CACNA2D3: variants seen among roughly 807,000 people sequenced by gnomAD.
The protein encoded by CACNA2D3 is calcium voltage-gated channel auxiliary subunit alpha2delta 3.
CACNA2D3 carries 60 observed loss-of-function variants against 160.6 expected under a neutral mutation model. That is an observed-to-expected ratio of 0.37 (90% CI 0.30 to 0.46). The LOEUF (loss-of-function observed/expected upper bound fraction) is 0.46, where lower values mean the gene tolerates loss of function less well. Ranked by LOEUF, CACNA2D3 falls within the 20% of genes least tolerant of loss-of-function variation. CACNA2D3 has a pLI of 1.00. For missense variants in CACNA2D3, 1,205 were observed against 1,365.0 expected, an observed-to-expected ratio of 0.88 and a Z score of 1.85; for synonymous variants, 558 against 492.9, an observed-to-expected ratio of 1.13 and a Z score of -1.75.
intron 2 of CACNA2D3, among the ~76,000 whole-genome samples, chr3:54,138,358 G>A (rs1442086339): frequency 6.6e-6 from 1 of 152,216 alleles, no homozygotes; most frequent in Admixed American, 6.5e-5. Context: ...GAGAGAGAGC[G>A]GGGAGATTGG....
chr3:54,873,000 T>G (rs923094539), intron 18 of CACNA2D3, among the ~76,000 whole-genome samples: 6 of 152,094 alleles, frequency 3.9e-5, no homozygotes, highest in Non-Finnish European at 1.5e-5. Flanking sequence ...TTTAGACTCC[T>G]GCCAGGTTCA....
At chr3:54,565,324 T>C (rs1035136497) in intron 6 of CACNA2D3, among the ~76,000 whole-genome samples, 4 of 152,080 alleles carry the variant, frequency 2.6e-5, no homozygotes, top group Admixed American at 6.5e-5. Context: ...AGGTGCTGGG[T>C]GATCACTGAG....
intron 4 of CACNA2D3, among the ~76,000 whole-genome samples, chr3:54,405,917 A>T (rs1370905496): frequency 1.3e-5 from 2 of 152,152 alleles, no homozygotes; most frequent in African/African-American, 4.8e-5. Context: ...TCCAAATATG[A>T]CATAAAAATG....
At chr3:54,732,890 A>G (rs1701417381) in intron 11 of CACNA2D3, among the ~76,000 whole-genome samples, 1 of 152,252 alleles carries the variant, frequency 6.6e-6, no homozygotes, top group South Asian at 2.1e-4. Flanking sequence ...GAAATGTCAA[A>G]AATTAACAAA....
intron 13 of CACNA2D3, among the ~76,000 whole-genome samples, chr3:54,807,473 A>G (rs951141756): frequency 7.2e-5 from 11 of 152,226 alleles, no homozygotes; most frequent in African/African-American, 2.7e-4. Flanking sequence ...ATCACTGGCC[A>G]TCAGAGAAAT....
chr3:55,030,684 A>G (rs1480711708), intron 35 of CACNA2D3, among the ~76,000 whole-genome samples: 2 of 152,132 alleles, frequency 1.3e-5, no homozygotes, highest in Non-Finnish European at 2.9e-5. Flanking sequence ...TCAATGAAGC[A>G]TTTTACTGGG....
At chr3:54,693,952 G>GCTTAGATAT (rs1700613573) in intron 11 of CACNA2D3, among the ~76,000 whole-genome samples, 1 of 152,136 alleles carries the variant, frequency 6.6e-6, no homozygotes, top group African/African-American at 2.4e-5. Flanking sequence ...GTCACAGTTA[G>GCTTAGATAT]CTTAGATATT....
Position 54,586,899 on chromosome 3 carries a change from C to T in CACNA2D3, c.963+5022C>T, listed in dbSNP as rs144646818. Among the ~76,000 whole-genome samples, 1,168 of 151,746 alleles carry T rather than the reference C, an allele frequency of 7.7e-3. 17 individuals carry two copies. Among genetic ancestry groups the T allele is most frequent in the African/African-American group, 0.027 (1,110 of 41,360 alleles). ...AATCCCCAGACACTTAGAAATTAAA[C>T]AGTATACTATTAAAAAAATACTTGG... is the stretch of plus-strand genomic sequence containing the variant. On this transcript the variant is annotated intron_variant, in intron 9 of 37. Transcript: ENST00000474759.
At chr3:55,029,323 G>A (rs1337268702) in intron 35 of CACNA2D3, among the ~76,000 whole-genome samples, 2 of 152,088 alleles carry the variant, frequency 1.3e-5, no homozygotes, top group Non-Finnish European at 2.9e-5. Flanking sequence ...ATCTCCAAGA[G>A]GGCTATAAGC....
chr3:55,005,138 T>C (rs982321187), intron 32 of CACNA2D3, among the ~76,000 whole-genome samples: 3 of 152,022 alleles, frequency 2.0e-5, no homozygotes, highest in Non-Finnish European at 4.4e-5. Context: ...TAGCCAGGCG[T>C]GGTGGCGTGT....
chr3:54,482,684 G>A (rs138085701), intron 4 of CACNA2D3, among the ~76,000 whole-genome samples: 334 of 152,224 alleles, frequency 2.2e-3, no homozygotes, highest in Middle Eastern at 6.8e-3. Context: ...TTCACACATT[G>A]AAGTTTATTT....
chr3:54,557,799 A>G (rs1490783330), intron 5 of CACNA2D3, among the ~76,000 whole-genome samples: 1 of 152,148 alleles, frequency 6.6e-6, no homozygotes, highest in Non-Finnish European at 1.5e-5. Context: ...TCCTAAAATT[A>G]CTTTGTGGTG....
chr3:54,345,533 T>C (rs1698440130), intron 3 of CACNA2D3, among the ~76,000 whole-genome samples: 1 of 152,172 alleles, frequency 6.6e-6, no homozygotes, highest in African/African-American at 2.4e-5. Flanking sequence ...CCTGCAAGGC[T>C]TTCATCAGAG....
At chr3:54,540,999 C>T (rs913642268) in intron 5 of CACNA2D3, among the ~76,000 whole-genome samples, 3 of 151,982 alleles carry the variant, frequency 2.0e-5, no homozygotes, top group South Asian at 2.1e-4. Flanking sequence ...AAAGGGAGGC[C>T]GAGCGTGGTG....
intron 2 of CACNA2D3, among the ~76,000 whole-genome samples, chr3:54,314,793 A>C (rs1246096035): frequency 6.6e-6 from 1 of 152,222 alleles, no homozygotes; most frequent in Non-Finnish European, 1.5e-5. Context: ...CTGGCATACC[A>C]GAGACACCAA....
chr3:54,638,199 A>G (rs1699422385), intron 10 of CACNA2D3: 1 of 151,972 alleles, frequency 6.6e-6, no homozygotes, highest in Non-Finnish European at 1.5e-5. Flanking sequence ...TATTGAGAAT[A>G]AGATGGCCTT....
intron 11 of CACNA2D3, 59 bp from the exon 12 acceptor site, chr3:54,752,540 A>G (rs1170293948): frequency 2.6e-6 from 3 of 1,162,218 alleles, no homozygotes; most frequent in Non-Finnish European, 3.9e-6. Context: ...CATGCATGTG[A>G]TCTGTGCAGG....
At position 54,287,914 on chromosome 3, in the gene CACNA2D3, C is replaced by T. The variant is rs544907509; in HGVS notation, c.205-32528C>T. Among the ~76,000 whole-genome samples the T allele has an allele frequency of 3.8e-3, 565 of 148,742 alleles. 9 individuals are homozygous for T. Among genetic ancestry groups the T allele is most frequent in the African/African-American group, 0.013 (515 of 40,364 alleles). ...GCACAACATACCAGAATCTCTGGGA[C>T]GCATTCAGAGCAGTGTGTAGAGGGA... On this transcript the variant is annotated intron_variant, in intron 2 of 37. Coordinates refer to ENST00000474759, the MANE Select transcript of CACNA2D3 (RefSeq NM_018398.3).
intron 31 of CACNA2D3, among the ~76,000 whole-genome samples, 161 bp from the exon 32 acceptor site, chr3:55,004,602 T>G (rs1275416188): frequency 6.6e-6 from 1 of 152,258 alleles, no homozygotes; most frequent in Non-Finnish European, 1.5e-5. Context: ...CCTCCAGCAC[T>G]GGCCTTTGCC....
Sources: gnomAD v4.1 joint callset for allele counts (sites outside exome capture counted in the v4.1 genomes callset) on GRCh38, gnomAD v4.1.1 for gene constraint, MANE v1.5 for transcripts, NCBI Gene and HGNC (gene_info 2026-07-23, HGNC 2026-07-21) for gene names.